PPP2CA: variants seen among roughly 807,000 people sequenced by gnomAD.
PPP2CA encodes serine/threonine-protein phosphatase 2A catalytic subunit alpha isoform.
A neutral mutation model predicts 38.8 loss-of-function variants in PPP2CA; 5 were observed. The ratio of observed to expected loss-of-function variants is 0.13; its 90% confidence interval spans 0.07 to 0.27. The LOEUF is 0.27. Ranked by LOEUF, PPP2CA falls within the 10% of genes least tolerant of loss-of-function variation. The pLI, the probability that PPP2CA is intolerant of heterozygous loss-of-function variation, is 1.00. For synonymous variants in PPP2CA, 152 were observed against 134.0 expected (o/e 1.13, Z -0.93); for missense variants, 88 against 389.7 (o/e 0.23, Z 6.52).
At chr5:134,199,422 T>C in intron 5 of PPP2CA, 1 of 284,176 alleles carries the variant, frequency 3.5e-6, no homozygotes, top group Non-Finnish European at 6.2e-6. Flanking sequence ...ACAAAACTTG[T>C]TTTTTTTTTA....
At chr5:134,207,839 T>C (rs1381957451) in intron 1 of PPP2CA, among the ~76,000 whole-genome samples, 1 of 152,210 alleles carries the variant, frequency 6.6e-6, no homozygotes, top group Admixed American at 6.5e-5. Flanking sequence ...TTAGCCACTA[T>C]ACTGGCCTGA....
At chr5:134,206,952 G>C (rs1256897100) in intron 1 of PPP2CA, among the ~76,000 whole-genome samples, 1 of 152,210 alleles carries the variant, frequency 6.6e-6, no homozygotes, top group African/African-American at 2.4e-5. Context: ...ACTGTGTTAA[G>C]TGTCACAAAG....
At chr5:134,198,172 C>T (rs1473963646) in intron 6 of PPP2CA, among the ~76,000 whole-genome samples, 2 of 151,578 alleles carry the variant, frequency 1.3e-5, no homozygotes, top group Non-Finnish European at 2.9e-5. Flanking sequence ...GGGCGGATCA[C>T]GAGGTCAGGA....
intron 1 of PPP2CA, among the ~76,000 whole-genome samples, chr5:134,218,141 A>T (rs1190919497): frequency 2.0e-5 from 3 of 151,886 alleles, no homozygotes; most frequent in Non-Finnish European, 3.0e-5. Flanking sequence ...AACTACACTG[A>T]ACAGATACCA....
At chr5:134,211,889 G>A (rs370446213) in intron 1 of PPP2CA, among the ~76,000 whole-genome samples, 9 of 152,046 alleles carry the variant, frequency 5.9e-5, no homozygotes, top group East Asian at 5.8e-4. Context: ...ATGCCAAGGC[G>A]GATGAATCAC....
At chr5:134,221,598 A>G (rs1762443873) in intron 1 of PPP2CA, among the ~76,000 whole-genome samples, 2 of 152,150 alleles carry the variant, frequency 1.3e-5, no homozygotes, top group African/African-American at 4.8e-5. Context: ...CCAAAACTGA[A>G]TAATAATTAC....
At chr5:134,205,413 G>A (rs889313199) in intron 2 of PPP2CA, among the ~76,000 whole-genome samples, 10 of 145,898 alleles carry the variant, frequency 6.9e-5, no homozygotes, top group Non-Finnish European at 1.5e-4. Context: ...AGACAGTCTC[G>A]CTCTGTTGTC....
intron 1 of PPP2CA, among the ~76,000 whole-genome samples, chr5:134,218,071 C>T (rs1011005188): frequency 3.9e-5 from 6 of 151,952 alleles, no homozygotes; most frequent in African/African-American, 1.2e-4. Context: ...ACCACCATCA[C>T]ATGCAGTCCA....
At chr5:134,215,594 AAAAAT>A in intron 1 of PPP2CA, among the ~76,000 whole-genome samples, 1 of 151,958 alleles carries the variant, frequency 6.6e-6, no homozygotes, top group South Asian at 2.1e-4. Context: ...AAATAAAAAT[AAAAAT>A]AAAAAAGTAA....
chr5:134,210,180 G>A lies in PPP2CA; in HGVS notation c.103-4049C>T, dbSNP rs193083324. Among the ~76,000 whole-genome samples, 408 of 152,124 alleles carry A rather than the reference G, an allele frequency of 2.7e-3. 2 individuals carry two copies. The highest frequency in any genetic ancestry group is 0.017 in the Middle Eastern group (5 of 292). On this transcript the variant is annotated intron_variant, in intron 1 of 6. Coordinates refer to ENST00000481195, the MANE Select transcript of PPP2CA (RefSeq NM_002715.4). ...CAAGGACTTAGGCCTTATAAATCCT[G>A]AAAGCACCTAATAAGAGCGGCTTTA...
At chr5:134,215,730 G>A (rs1177487042) in intron 1 of PPP2CA, among the ~76,000 whole-genome samples, 3 of 152,146 alleles carry the variant, frequency 2.0e-5, no homozygotes, top group Non-Finnish European at 2.9e-5. Flanking sequence ...TAAGTCACCA[G>A]GCCTAGCCTC....
At chr5:134,200,829 T>C (rs1223214415) in intron 4 of PPP2CA, 156 bp downstream of exon 4, 11 of 683,054 alleles carry the variant, frequency 1.6e-5, no homozygotes, top group Non-Finnish European at 2.7e-5. Flanking sequence ...GGTTTCTTAA[T>C]GTCAGCTTCT....
At chr5:134,209,283 A>G (rs1048595597) in intron 1 of PPP2CA, among the ~76,000 whole-genome samples, 58 of 151,882 alleles carry the variant, frequency 3.8e-4, no homozygotes, top group African/African-American at 1.3e-3. Context: ...GAGGGGGAAA[A>G]AAAAAAAATC....
chr5:134,200,120 C>T (rs1335613297), intron 5 of PPP2CA, among the ~76,000 whole-genome samples: 1 of 152,196 alleles, frequency 6.6e-6, no homozygotes, highest in African/African-American at 2.4e-5. Flanking sequence ...ATTCAGATTT[C>T]TCTGAAAACA....
chr5:134,210,868 G>A (rs566055942), intron 1 of PPP2CA, among the ~76,000 whole-genome samples: 48 of 152,282 alleles, frequency 3.2e-4, no homozygotes, highest in African/African-American at 1.1e-3. Flanking sequence ...TGATTTATCA[G>A]AACCCTTCTG....
intron 1 of PPP2CA, among the ~76,000 whole-genome samples, chr5:134,206,904 G>C (rs948028157): frequency 6.6e-6 from 1 of 152,170 alleles, no homozygotes; most frequent in African/African-American, 2.4e-5. Flanking sequence ...ACCGTAGAGG[G>C]GAGAAGGACC....
At chr5:134,214,463 CTTTT>C (rs569914382) in intron 1 of PPP2CA, among the ~76,000 whole-genome samples, 2 of 152,102 alleles carry the variant, frequency 1.3e-5, no homozygotes, top group African/African-American at 4.8e-5. Context: ...ATAGCATTAA[CTTTT>C]TTTGTTTCAT....
intron 2 of PPP2CA, among the ~76,000 whole-genome samples, chr5:134,204,064 T>C (rs1331992674): frequency 6.6e-6 from 1 of 152,196 alleles, no homozygotes; most frequent in East Asian, 1.9e-4. Context: ...ACTCCTTCAT[T>C]TTACAGATGC....
At chr5:134,206,903 G>A (rs998070433) in intron 1 of PPP2CA, among the ~76,000 whole-genome samples, 5 of 152,192 alleles carry the variant, frequency 3.3e-5, no homozygotes, top group Admixed American at 3.3e-4. Context: ...TACCGTAGAG[G>A]GGAGAAGGAC....
Sources: gnomAD v4.1 joint callset for allele counts (sites outside exome capture counted in the v4.1 genomes callset) on GRCh38, gnomAD v4.1.1 for gene constraint, MANE v1.5 for transcripts, NCBI Gene and HGNC (gene_info 2026-07-23, HGNC 2026-07-21) for gene names.